BMPR2: variants seen among roughly 807,000 people sequenced by gnomAD.
The protein encoded by BMPR2 is bone morphogenetic protein receptor type-2.
Under a neutral mutation model 100.8 loss-of-function variants are expected in BMPR2, and 29 were observed. That is an observed-to-expected ratio of 0.29 (90% CI 0.21 to 0.39). BMPR2 has a LOEUF of 0.39. BMPR2 is among the 10% of genes least tolerant of loss of function. BMPR2 has a pLI of 1.00. For missense variants in BMPR2, 1,011 were observed against 1,274.5 expected (o/e 0.79, Z 3.15); for synonymous variants, 382 against 442.3 (o/e 0.86, Z 1.71).
chr2:202,510,014 C>T (rs1011739114), intron 3 of BMPR2, among the ~76,000 whole-genome samples: 3 of 152,114 alleles, frequency 2.0e-5, no homozygotes, highest in Non-Finnish European at 4.4e-5. Flanking sequence ...ACTTGAATTA[C>T]ACAAGAATGT....
intron 1 of BMPR2, among the ~76,000 whole-genome samples, chr2:202,422,519 G>C (rs1236589743): frequency 6.6e-6 from 1 of 151,616 alleles, no homozygotes; most frequent in Non-Finnish European, 1.5e-5. Context: ...TGTTAGCCAG[G>C]ATGGTCTCGA....
At chr2:202,540,608 A>G (rs532086842) in intron 9 of BMPR2, among the ~76,000 whole-genome samples, 46 of 152,192 alleles carry the variant, frequency 3.0e-4, no homozygotes, top group Non-Finnish European at 6.2e-4. Flanking sequence ...AGTATTTATT[A>G]GTTGTTTTGA....
Position 202,520,292 on chromosome 2 carries a change from T to C in BMPR2, c.967+91T>C. 4.7e-6 allele frequency: 4 copies of C among 856,664 alleles called. No homozygotes were observed. The South Asian group carries it at 5.9e-5, about 13-fold the overall frequency. 53.1% of individuals were successfully genotyped at this position (856,664 alleles called of 1,614,324 possible). A position where few individuals can be genotyped will look rare whatever the true frequency, so the allele number is the denominator to read the frequency against. ...TTATATCTTCAAAGTAAAAGTATAATTTATATTATTGGAGATTTATTATTA... is the reference window on the plus strand; with the variant it reads ...TTATATCTTCAAAGTAAAAGTATAACTTATATTATTGGAGATTTATTATTA... On this transcript the variant is annotated intron_variant, in intron 7 of 12. Coordinates refer to ENST00000374580, the MANE Select transcript of BMPR2 (RefSeq NM_001204.7).
chr2:202,391,069 C>T lies in BMPR2; in HGVS notation c.76+13519C>T, dbSNP rs190946200. Among the ~76,000 whole-genome samples the T allele has an allele frequency of 1.4e-3, 199 of 146,906 alleles. 1 individual carries two copies. The highest frequency in any genetic ancestry group is 4.5e-3 in the African/African-American group (179 of 39,448). ...GTGCAATGGCGCAACCTCTGCCTCC[C>T]GGGTTCAAGTGATTCTTCTGCCTCA... On this transcript the variant is annotated intron_variant, in intron 1 of 12. Transcript: ENST00000374580.
chr2:202,561,386 CAT>C lies in BMPR2; in HGVS notation c.*1443_*1444del, dbSNP rs1477792569. 6.6e-6 allele frequency: 1 copy of C among 152,056 alleles called. No individual in the cohort carries two copies. The highest frequency in any genetic ancestry group is 2.4e-5 in the African/African-American group (1 of 41,428). The allele number at this position is 152,056 out of a possible 1,614,324, so 9.4% of individuals were successfully genotyped here. On this transcript the variant is annotated 3_prime_UTR_variant, in exon 13 of 13. Transcript: ENST00000374580. Reference sequence around the variant, plus strand: ...TTTTAGTAATAAAATGACTTGAAATCATATTATTTTTAAAAGCCCTTTGCTTC... The same window carrying C: ...TTTTAGTAATAAAATGACTTGAAATCATTATTTTTAAAAGCCCTTTGCTTC...
At chr2:202,489,387 G>A (rs1195836654) in intron 3 of BMPR2, among the ~76,000 whole-genome samples, 1 of 152,110 alleles carries the variant, frequency 6.6e-6, no homozygotes, top group Non-Finnish European at 1.5e-5. Flanking sequence ...ACAAAGTTAA[G>A]GGAACGAAAA....
chr2:202,460,536 ATAAAAT>A (rs1692205957), intron 1 of BMPR2, among the ~76,000 whole-genome samples: 1 of 152,184 alleles, frequency 6.6e-6, no homozygotes, highest in South Asian at 2.1e-4. Context: ...AATAGAAAAA[ATAAAAT>A]TAGTGCTAAA....
chr2:202,448,708 G>A (rs1310732013), intron 1 of BMPR2, among the ~76,000 whole-genome samples: 3 of 151,380 alleles, frequency 2.0e-5, no homozygotes, highest in Non-Finnish European at 1.5e-5. Context: ...CGCCTGCCTC[G>A]GCCTCCCAAA....
At chr2:202,443,315 C>T (rs1691783133) in intron 1 of BMPR2, among the ~76,000 whole-genome samples, 1 of 150,656 alleles carries the variant, frequency 6.6e-6, no homozygotes, top group South Asian at 2.1e-4. Flanking sequence ...AAACTGTATT[C>T]TATTTATACC....
intron 3 of BMPR2, chr2:202,505,398 T>C (rs1406965112): frequency 6.6e-6 from 1 of 150,908 alleles, no homozygotes; most frequent in Non-Finnish European, 1.5e-5. Context: ...CTCTGTCTTC[T>C]AGGCCGCAGT....
At chr2:202,440,416 G>A (rs1038172366) in intron 1 of BMPR2, among the ~76,000 whole-genome samples, 1 of 148,728 alleles carries the variant, frequency 6.7e-6, no homozygotes, top group Non-Finnish European at 1.5e-5. Flanking sequence ...ATGGGCAGCC[G>A]GGCAGAGACG....
At chr2:202,410,728 C>T (rs547930128) in intron 1 of BMPR2, among the ~76,000 whole-genome samples, 22 of 152,002 alleles carry the variant, frequency 1.4e-4, no homozygotes, top group East Asian at 5.8e-4. Flanking sequence ...TACAGGCGCC[C>T]GCTGCCACGC....
intron 7 of BMPR2, among the ~76,000 whole-genome samples, chr2:202,527,045 G>A (rs1687927473): frequency 6.6e-6 from 1 of 151,990 alleles, no homozygotes; most frequent in East Asian, 1.9e-4. Flanking sequence ...TTGTATTTTA[G>A]TAGAGACAAG....
intron 1 of BMPR2, among the ~76,000 whole-genome samples, chr2:202,421,831 G>C (rs1691269075): frequency 6.6e-6 from 1 of 152,058 alleles, no homozygotes; most frequent in East Asian, 1.9e-4. Flanking sequence ...ATGTGGGATG[G>C]GTTGAGCAGG....
intron 5 of BMPR2, among the ~76,000 whole-genome samples, chr2:202,516,308 CA>C (rs1687710419): frequency 6.6e-6 from 1 of 152,130 alleles, no homozygotes. Flanking sequence ...TAAATTTCAA[CA>C]TTTCAACATA....
chr2:202,391,938 T>G (rs1690558803), intron 1 of BMPR2, among the ~76,000 whole-genome samples: 2 of 151,622 alleles, frequency 1.3e-5, no homozygotes, highest in African/African-American at 4.9e-5. Flanking sequence ...ATTTTTGTAT[T>G]TTTAGTAGAG....
chr2:202,453,732 T>G (rs1692034280), intron 1 of BMPR2, among the ~76,000 whole-genome samples: 1 of 152,078 alleles, frequency 6.6e-6, no homozygotes, highest in African/African-American at 2.4e-5. Context: ...TATAATTAGA[T>G]GGAATGAATA....
At chr2:202,539,358 A>G (rs1218495024) in intron 9 of BMPR2, among the ~76,000 whole-genome samples, 1 of 152,156 alleles carries the variant, frequency 6.6e-6, no homozygotes, top group Non-Finnish European at 1.5e-5. Flanking sequence ...AAATCATGTT[A>G]CAGAGTGTAT....
rs374995220 is a variant in BMPR2 at position 202,449,011 on chromosome 2, GA to G, written c.77-15794del. 3.3e-4 allele frequency among the ~76,000 whole-genome samples: 50 copies of G among 149,906 alleles called. 1 individual carries two copies. Among genetic ancestry groups the G allele is most frequent in the Admixed American group, 8.7e-4 (13 of 14,884 alleles). ...GCTTGTCTTTCTCTTTAGGTGTACAGAAAAGAGTTAAAATAGCAGGCCTGGG... is the reference window on the plus strand; with the variant it reads ...GCTTGTCTTTCTCTTTAGGTGTACAGAAAGAGTTAAAATAGCAGGCCTGGG... On this transcript the variant is annotated intron_variant, in intron 1 of 12. Coordinates refer to ENST00000374580, the MANE Select transcript of BMPR2 (RefSeq NM_001204.7).
Sources: gnomAD v4.1 joint callset for allele counts (sites outside exome capture counted in the v4.1 genomes callset) on GRCh38, gnomAD v4.1.1 for gene constraint, MANE v1.5 for transcripts, NCBI Gene and HGNC (gene_info 2026-07-23, HGNC 2026-07-21) for gene names.